F10: variants seen among roughly 807,000 people sequenced by gnomAD.
F10 encodes the protein coagulation factor X.
In F10, 29 loss-of-function variants were observed where a neutral mutation model predicts 37.1. That is an observed-to-expected ratio of 0.78 (90% CI 0.58 to 1.07). The LOEUF is 1.07. Ranked by LOEUF, F10 falls within the 50% of genes least tolerant of loss-of-function variation. The pLI is 0.00. For missense variants in F10, 539 were observed against 667.9 expected (o/e 0.81, Z 2.13); for synonymous variants, 262 against 268.6 (o/e 0.98, Z 0.24).
chr13:113,138,152 C>T lies in F10; in HGVS notation c.232-305C>T, dbSNP rs572335684. Among the ~76,000 whole-genome samples the T allele has an allele frequency of 4.6e-5, 7 of 152,290 alleles. No homozygotes were observed. In the South Asian group the frequency reaches 8.3e-4, roughly 18 times the overall value. On this transcript the variant is annotated intron_variant, in intron 2 of 7. Coordinates refer to ENST00000375559, the MANE Select transcript of F10 (RefSeq NM_000504.4). ...ACTAAAAACCATCCATTGACCAGCTCGGGAGTAGCAAACAGAGCAAGCCAT... is the reference window on the plus strand; with the variant it reads ...ACTAAAAACCATCCATTGACCAGCTTGGGAGTAGCAAACAGAGCAAGCCAT...
rs1343436801 is a variant in F10, at chr13:113,141,082, T to C, written c.502+32T>C. ...GGCACGTTGGGCCACAGCCACCCGC[T>C]GCCGCTGGGCCGGGCCAGGGAGGAC... On this transcript the variant is annotated intron_variant, in intron 5 of 7. Transcript: ENST00000375559. This position sits in a 1 kb window ranked among gnomAD's most constrained non-coding sequence, Gnocchi z 5.4. 1.2e-6 allele frequency: 2 copies of C among 1,611,656 alleles called. No individual in the cohort carries two copies. Among genetic ancestry groups the C allele is most frequent in the Admixed American group, 3.3e-5 (2 of 60,004 alleles).
rs1176058982 is a variant in F10 at position 113,149,421 on chromosome 13, C to T, written c.1371C>T (p.Ala457=). Residue 457 remains alanine, a synonymous_variant, in exon 8 of 8, where the codon GCC becomes GCT. Transcript: ENST00000375559. This position sits in a 1 kb window ranked among gnomAD's most constrained non-coding sequence, Gnocchi z 7.5. ...GKYGIYTKVT[A]FLKWIDRSMK... ...ACGGGATCTACACCAAGGTCACCGCCTTCCTCAAGTGGATCGACAGGTCCA... is the reference window on the plus strand; with the variant it reads ...ACGGGATCTACACCAAGGTCACCGCTTTCCTCAAGTGGATCGACAGGTCCA... 6.2e-7 allele frequency: 1 copy of T among 1,613,236 alleles called. No homozygotes were observed. The highest frequency in any genetic ancestry group is 1.3e-5 in the African/African-American group (1 of 74,928).
intron 2 of F10, chr13:113,132,003 A>T (rs918677372): frequency 6.6e-6 from 1 of 152,274 alleles, no homozygotes; most frequent in South Asian, 2.1e-4. Flanking sequence ...AAGAAAGAGA[A>T]TGTAGCAGCC....
At chr13:113,147,189 A>G (rs1207477343) in intron 6 of F10, among the ~76,000 whole-genome samples, 190 bp from the exon 7 acceptor site, 2 of 152,158 alleles carry the variant, frequency 1.3e-5, no homozygotes, top group African/African-American at 4.8e-5. Context: ...GACTCCCTAT[A>G]TCAGTGAGTG....
chr13:113,137,242 T>G (rs932628057), intron 2 of F10, among the ~76,000 whole-genome samples: 1 of 152,248 alleles, frequency 6.6e-6, no homozygotes, highest in Non-Finnish European at 1.5e-5. Context: ...AAAAGCTAGT[T>G]TCACAAGGTC....
At position 113,139,176 on chromosome 13, in the gene F10, G is replaced by A. The variant is rs1287203714; in HGVS notation, c.257-181G>A. Among the ~76,000 whole-genome samples, 7 of 152,194 alleles carry A rather than the reference G, an allele frequency of 4.6e-5. No individual in the cohort carries two copies. The highest frequency in any genetic ancestry group is 2.1e-4 in the South Asian group (1 of 4,828). ...TGATCCACCTAGATAAAGGCATCAC[G>A]TACACATGGCCACAAAAGGGGGTGG... On this transcript the variant is annotated intron_variant, in intron 3 of 7. Coordinates refer to ENST00000375559, the MANE Select transcript of F10 (RefSeq NM_000504.4). This position sits in a 1 kb window ranked among gnomAD's most constrained non-coding sequence, Gnocchi z 5.2.
rs2036529025 is a variant in F10 at position 113,141,683 on chromosome 13, T to C, written c.502+633T>C. ...CCCGTGGGCATTGCCTACGCTGGGC[T>C]TGCCTGGCTGCCGGCACTTCCACAC... On this transcript the variant is annotated intron_variant, in intron 5 of 7. Coordinates refer to ENST00000375559, the MANE Select transcript of F10 (RefSeq NM_000504.4). This position sits in a 1 kb window ranked among gnomAD's most constrained non-coding sequence, Gnocchi z 5.4. 6.6e-6 allele frequency among the ~76,000 whole-genome samples: 1 copy of C among 152,176 alleles called. No homozygotes were observed. Among genetic ancestry groups the C allele is most frequent in the Non-Finnish European group, 1.5e-5 (1 of 68,010 alleles).
In F10 at chr13:113,136,846, T is replaced by G. The variant is rs1327960488; in HGVS notation, c.232-1611T>G. Among the ~76,000 whole-genome samples the G allele has an allele frequency of 5.8e-3, 199 of 34,312 alleles. 83 individuals carry two copies. Among genetic ancestry groups the G allele is most frequent in the Non-Finnish European group, 0.01 (131 of 13,038 alleles). 22.5% of individuals were successfully genotyped at this position (34,312 alleles called of 152,430 possible). ...TTTGTATTTTTAGTAGAGACGGGGTTTCACCGTTTTAGCTGGGATGGTCTC... is the reference window on the plus strand; with the variant it reads ...TTTGTATTTTTAGTAGAGACGGGGTGTCACCGTTTTAGCTGGGATGGTCTC... On this transcript the variant is annotated intron_variant, in intron 2 of 7. Transcript: ENST00000375559.
chr13:113,137,346 G>T (rs2036488218), intron 2 of F10, among the ~76,000 whole-genome samples: 1 of 152,060 alleles, frequency 6.6e-6, no homozygotes, highest in Admixed American at 6.6e-5. Context: ...TTTGCCAAGG[G>T]TTGGCAGGTG....
Position 113,144,121 on chromosome 13 carries a change from C to A in F10, c.747+26C>A, listed in dbSNP as rs745342216. The A allele has an allele frequency of 7.4e-6, 12 of 1,612,862 alleles. No individual in the cohort carries two copies. In the Admixed American group the frequency reaches 2.0e-4, roughly 27 times the overall value. On this transcript the variant is annotated intron_variant, in intron 6 of 7. Transcript: ENST00000375559. This position sits in a 1 kb window ranked among gnomAD's most constrained non-coding sequence, Gnocchi z 6.4. ...GTAACAGTAGGATGTCCCCTCGGGCCTGCTGGAGAGACCACCTGTCCCGCT... is the reference window on the plus strand; with the variant it reads ...GTAACAGTAGGATGTCCCCTCGGGCATGCTGGAGAGACCACCTGTCCCGCT...
chr13:113,138,153 G>C (rs3211765), intron 2 of F10, among the ~76,000 whole-genome samples: 13 of 152,276 alleles, frequency 8.5e-5, no homozygotes, highest in Admixed American at 4.6e-4. Context: ...TGACCAGCTC[G>C]GGAGTAGCAA....
In F10 at chr13:113,143,704, G is replaced by GATA; in HGVS notation, c.503-147_503-146insATA. 4 of 1,188,302 alleles carry GATA rather than the reference G, an allele frequency of 3.4e-6. No individual in the cohort carries two copies. Among genetic ancestry groups the GATA allele is most frequent in the Admixed American group, 2.4e-5 (1 of 41,802 alleles). The allele number at this position is 1,188,302 out of a possible 1,614,324, so 73.6% of individuals were successfully genotyped here. A position where few individuals can be genotyped will look rare whatever the true frequency, so the allele number is the denominator to read the frequency against. The stretch of plus-strand genomic sequence containing the variant: ...AGATCCGACCCCTGCCGACGACGTG[G>GATA]GGCCTCGCCCTGCAAGCCCGCTGCC... On this transcript the variant is annotated intron_variant, in intron 5 of 7. Coordinates refer to ENST00000375559, the MANE Select transcript of F10 (RefSeq NM_000504.4). This position sits in a 1 kb window ranked among gnomAD's most constrained non-coding sequence, Gnocchi z 6.8.
intron 2 of F10, chr13:113,131,415 A>G (rs578110090): frequency 6.6e-6 from 1 of 152,466 alleles, no homozygotes; most frequent in African/African-American, 2.4e-5. Flanking sequence ...AAGGTCACCC[A>G]CCATCCAGAT....
rs542159749 is a variant in F10, at chr13:113,141,973, G to A, written c.502+923G>A. On this transcript the variant is annotated intron_variant, in intron 5 of 7. Transcript: ENST00000375559. The surrounding 1 kb of genome is among the most constrained non-coding windows in gnomAD (Gnocchi z 5.4). Reference sequence around the variant, plus strand: ...CCCTCCAGACACAGGTTACTCCCGAGTGTTCTGTCACTCTTCCTTTCATAT... The same window carrying A: ...CCCTCCAGACACAGGTTACTCCCGAATGTTCTGTCACTCTTCCTTTCATAT... 6.3e-4 allele frequency among the ~76,000 whole-genome samples: 96 copies of A among 152,326 alleles called. No individual in the cohort carries two copies. Among genetic ancestry groups the A allele is most frequent in the African/African-American group, 2.2e-3 (92 of 41,576 alleles).
chr13:113,148,337 A>G (rs1430690818), intron 7 of F10, among the ~76,000 whole-genome samples: 7 of 108,036 alleles, frequency 6.5e-5, no homozygotes, highest in African/African-American at 2.7e-4. Flanking sequence ...TCTCAAAAAA[A>G]AAAAAAAAAT....
Position 113,147,460 on chromosome 13 carries a change from T to C in F10, c.829T>C (p.Cys277Arg). 1 of 1,613,932 alleles carries C rather than the reference T, an allele frequency of 6.2e-7. No individual in the cohort carries two copies. The highest frequency in any genetic ancestry group is 1.6e-4 in the Middle Eastern group (1 of 6,062). The change falls in exon 7 of 8, where the codon TGT becomes CGT. Residue 277 changes from cysteine to arginine, a missense_variant. Cys to Arg is a radical substitution (Grantham distance 180). Transcript: ENST00000375559. ...GTTCTACATCCTAACGGCAGCCCAC[T>C]GTCTCTACCAAGCCAAGAGATTCAA... ...SEFYILTAAH[C>R]LYQAKRFKVR... is the part of the protein sequence containing the mutation.
chr13:113,133,641 G>A lies in F10; in HGVS notation c.231+4029G>A, dbSNP rs1566917214. 2.6e-5 allele frequency among the ~76,000 whole-genome samples: 4 copies of A among 152,208 alleles called. No individual in the cohort carries two copies. In the South Asian group the frequency reaches 8.3e-4, roughly 32 times the overall value. Reference sequence around the variant, plus strand: ...ACACCAATTCTATACAACTCTTCCAGAACATAGAAGAGGGAACACTTCTTA... The same window carrying A: ...ACACCAATTCTATACAACTCTTCCAAAACATAGAAGAGGGAACACTTCTTA... On this transcript the variant is annotated intron_variant, in intron 2 of 7. Coordinates refer to ENST00000375559, the MANE Select transcript of F10 (RefSeq NM_000504.4).
At chr13:113,129,720 C>T (rs1331976543) in intron 2 of F10, 108 bp downstream of exon 2, 3 of 1,469,756 alleles carry the variant, frequency 2.0e-6, no homozygotes, top group Non-Finnish European at 2.8e-6. Flanking sequence ...GAAGGGGCAG[C>T]GTGCGCGAAG....
intron 1 of F10, 24 bp from the exon 2 acceptor site, chr13:113,129,428 A>C: frequency 6.3e-7 from 1 of 1,584,082 alleles, no homozygotes; most frequent in Middle Eastern, 2.0e-4. Flanking sequence ...CAGAGCTTTT[A>C]ACCCTGTCCT....
Sources: allele counts gnomAD v4.1 joint callset (sites outside exome capture counted in the v4.1 genomes callset), GRCh38; gene constraint gnomAD v4.1.1; non-coding constraint Gnocchi (gnomAD v3.1); transcripts MANE v1.5; gene names NCBI Gene and HGNC (gene_info 2026-07-23, HGNC 2026-07-21).